KCNAB1: variants seen among roughly 807,000 people sequenced by gnomAD.
The protein encoded by KCNAB1 is voltage-gated potassium channel subunit beta-1.
Under a neutral mutation model 64.6 loss-of-function variants are expected in KCNAB1, and 35 were observed. The observed-to-expected ratio is 0.54, with a 90% CI of 0.41 to 0.72. The LOEUF is 0.72. KCNAB1 is among the 30% of genes least tolerant of loss of function. KCNAB1 has a pLI of 0.00. For missense variants in KCNAB1, 401 were observed against 512.9 expected (o/e 0.78, Z 2.11); for synonymous variants, 177 against 183.8 (o/e 0.96, Z 0.30).
chr3:156,523,815 G>A lies in KCNAB1; in HGVS notation c.961-12G>A. The A allele has an allele frequency of 6.2e-7, 1 of 1,608,626 alleles. No homozygotes were observed. On this transcript the variant is annotated splice_polypyrimidine_tract_variant and intron_variant, in intron 11 of 13. Coordinates refer to ENST00000490337, the MANE Select transcript of KCNAB1 (RefSeq NM_172160.3). ...CCAGACATTAACATTTCAATGTTATGCTTTTCCCCAGTGCTACCAGTGGTT... is the reference window on the plus strand; with the variant it reads ...CCAGACATTAACATTTCAATGTTATACTTTTCCCCAGTGCTACCAGTGGTT...
In KCNAB1 at chr3:156,463,630, A is replaced by G. The variant is rs1713111421; in HGVS notation, c.483-72A>G. The stretch of plus-strand genomic sequence containing the variant: ...ATAACAAATTCTTTCTGGTGCTATT[A>G]TAATAATATGACTCGGTACAATAAC... On this transcript the variant is annotated intron_variant, in intron 5 of 13. Transcript: ENST00000490337. 2.6e-5 allele frequency: 31 copies of G among 1,177,954 alleles called. No individual in the cohort carries two copies. The South Asian group carries it at 4.0e-4, about 15-fold the overall frequency. 73.0% of individuals were successfully genotyped at this position (1,177,954 alleles called of 1,614,324 possible).
At chr3:156,145,030 C>G (rs1333831973) in intron 1 of KCNAB1, among the ~76,000 whole-genome samples, 1 of 152,122 alleles carries the variant, frequency 6.6e-6, no homozygotes, top group Non-Finnish European at 1.5e-5. Context: ...AGCAGTCATC[C>G]CCCAGCCTCT....
chr3:156,499,957 A>C (rs1716279328), intron 8 of KCNAB1, among the ~76,000 whole-genome samples: 1 of 152,178 alleles, frequency 6.6e-6, no homozygotes, highest in Non-Finnish European at 1.5e-5. Context: ...CTGCTTTCTC[A>C]GGTGCCCAAA....
At chr3:156,425,408 C>T (rs574246744) in intron 2 of KCNAB1, among the ~76,000 whole-genome samples, 15 of 152,052 alleles carry the variant, frequency 9.9e-5, no homozygotes, top group African/African-American at 2.2e-4. Context: ...ATGGTACATC[C>T]GAAAGAACAC....
intron 1 of KCNAB1, among the ~76,000 whole-genome samples, chr3:156,233,641 G>GA (rs1158889369): frequency 6.6e-6 from 1 of 152,142 alleles, no homozygotes; most frequent in Non-Finnish European, 1.5e-5. Flanking sequence ...GGCAAAAGCA[G>GA]AAAGGCCTGT....
intron 1 of KCNAB1, among the ~76,000 whole-genome samples, chr3:156,379,718 C>T (rs1052999497): frequency 2.6e-5 from 4 of 152,156 alleles, no homozygotes; most frequent in South Asian, 2.1e-4. Flanking sequence ...ACTTCACCAG[C>T]GGGTTTTGAG....
chr3:156,179,190 A>G (rs1201254245), intron 1 of KCNAB1, among the ~76,000 whole-genome samples: 2 of 150,698 alleles, frequency 1.3e-5, no homozygotes, highest in Non-Finnish European at 3.0e-5. Context: ...ATATTTACTA[A>G]GCTTTTATTA....
chr3:156,189,207 G>A (rs1373649616), intron 1 of KCNAB1, among the ~76,000 whole-genome samples: 1 of 152,238 alleles, frequency 6.6e-6, no homozygotes, highest in Non-Finnish European at 1.5e-5. Context: ...GTTAAGAGGA[G>A]AATCACTGGA....
chr3:156,236,852 T>A (rs1371993649), intron 1 of KCNAB1, among the ~76,000 whole-genome samples: 1 of 152,182 alleles, frequency 6.6e-6, no homozygotes, highest in Admixed American at 6.5e-5. Flanking sequence ...GGCTGTAGGA[T>A]TCTAGCTTTT....
chr3:156,495,249 G>A (rs1287863949), intron 8 of KCNAB1, among the ~76,000 whole-genome samples: 1 of 152,076 alleles, frequency 6.6e-6, no homozygotes, highest in Non-Finnish European at 1.5e-5. Flanking sequence ...GTGAGGTTGT[G>A]AAGAAAAAGG....
intron 1 of KCNAB1, among the ~76,000 whole-genome samples, chr3:156,245,890 A>T (rs182926522): frequency 1.3e-5 from 2 of 152,266 alleles, no homozygotes; most frequent in Non-Finnish European, 2.9e-5. Flanking sequence ...CAGACTTTTT[A>T]GGATCATGGT....
chr3:156,240,466 T>C (rs1033516475), intron 1 of KCNAB1, among the ~76,000 whole-genome samples: 34 of 152,176 alleles, frequency 2.2e-4, no homozygotes, highest in African/African-American at 7.7e-4. Flanking sequence ...ACATGTTCGT[T>C]CTCCTGACTC....
intron 2 of KCNAB1, among the ~76,000 whole-genome samples, chr3:156,436,374 C>T (rs1219813497): frequency 6.6e-6 from 1 of 152,174 alleles, no homozygotes; most frequent in East Asian, 1.9e-4. Flanking sequence ...CTGCAATGAA[C>T]ATATATGTGC....
rs386398329 is a variant in KCNAB1 at position 156,139,584 on chromosome 3, G to GTTTTTT, written c.275+18719_275+18724dup. Among the ~76,000 whole-genome samples the GTTTTTT allele has an allele frequency of 9.2e-3, 509 of 55,246 alleles. 86 individuals are homozygous for GTTTTTT. The highest frequency in any genetic ancestry group is 0.013 in the Non-Finnish European group (405 of 31,102). 36.2% of individuals were successfully genotyped at this position (55,246 alleles called of 152,430 possible). On this transcript the variant is annotated intron_variant, in intron 1 of 13. Transcript: ENST00000490337. Reference sequence around the variant, plus strand: ...TTTCTCCCTAACTCCATTGTACTGTGTTTTTTTTTTTTTTTTTTTTTTTTT... The same window carrying GTTTTTT: ...TTTCTCCCTAACTCCATTGTACTGTGTTTTTTTTTTTTTTTTTTTTTTTTTTTTTTT...
chr3:156,204,947 T>A (rs530396287), intron 1 of KCNAB1, among the ~76,000 whole-genome samples: 45 of 152,338 alleles, frequency 3.0e-4, no homozygotes, highest in African/African-American at 8.7e-4. Flanking sequence ...CTTATTTTTT[T>A]AAAAATTGTG....
intron 1 of KCNAB1, among the ~76,000 whole-genome samples, chr3:156,247,169 A>G (rs1029392682): frequency 1.6e-4 from 25 of 152,192 alleles, no homozygotes; most frequent in African/African-American, 5.8e-4. Context: ...TGGCTGGTAT[A>G]GAAAGGCTGT....
At chr3:156,291,461 G>A in intron 1 of KCNAB1, 1 of 1,027,378 alleles carries the variant, frequency 9.7e-7, no homozygotes, top group Non-Finnish European at 1.2e-6. Context: ...GTAAGCCTGC[G>A]CTGATTTGAG....
intron 7 of KCNAB1, among the ~76,000 whole-genome samples, chr3:156,469,051 C>T (rs140996111): frequency 2.6e-5 from 4 of 152,176 alleles, no homozygotes; most frequent in African/African-American, 9.6e-5. Context: ...GTTTTTTGTT[C>T]TTTTCTTTTT....
At chr3:156,281,469 G>A (rs1247084124) in intron 1 of KCNAB1, among the ~76,000 whole-genome samples, 1 of 150,602 alleles carries the variant, frequency 6.6e-6, no homozygotes, top group Non-Finnish European at 1.5e-5. Flanking sequence ...TCAGAATGAT[G>A]CTGGCCTCAT....
Sources: allele counts gnomAD v4.1 joint callset (sites outside exome capture counted in the v4.1 genomes callset), GRCh38; gene constraint gnomAD v4.1.1; transcripts MANE v1.5; gene names NCBI Gene and HGNC (gene_info 2026-07-23, HGNC 2026-07-21).